The following UPF2 variants were observed in gnomAD, a reference collection of about 807,000 sequenced individuals.
The protein encoded by UPF2 is regulator of nonsense transcripts 2.
In UPF2, 17 loss-of-function variants were observed where a neutral mutation model predicts 141.4. That is an observed-to-expected ratio of 0.12 (90% confidence interval 0.08 to 0.18). The LOEUF (loss-of-function observed/expected upper bound fraction) is 0.18. Among genes scored for constraint, UPF2 ranks in the 10% least tolerant of loss-of-function variants. UPF2 has a pLI of 1.00. For missense variants in UPF2, 1,152 were observed against 1,515.9 expected, an observed-to-expected ratio of 0.76 and a Z score of 3.99; for synonymous variants, 540 against 498.0, an observed-to-expected ratio of 1.08 and a Z score of -1.12.
At chr10:12,001,930 G>C in intron 5 of UPF2, 105 bp from the exon 6 acceptor site, 1 of 1,043,926 alleles carries the variant, frequency 9.6e-7, no homozygotes, top group East Asian at 2.8e-5. Context: ...TTTAGAAGCT[G>C]CATGTATACC....
At chr10:12,036,326 C>A (rs1834624787) in intron 1 of UPF2, among the ~76,000 whole-genome samples, 1 of 152,158 alleles carries the variant, frequency 6.6e-6, no homozygotes, top group East Asian at 1.9e-4. Flanking sequence ...CCAGACATTG[C>A]TAAATATCCG....
intron 9 of UPF2, among the ~76,000 whole-genome samples, chr10:11,972,370 T>C (rs996357437): frequency 2.0e-5 from 3 of 152,230 alleles, no homozygotes; most frequent in African/African-American, 4.8e-5. Flanking sequence ...TGCCTTGACA[T>C]AGAAAACTCT....
intron 9 of UPF2, among the ~76,000 whole-genome samples, chr10:11,974,404 C>G (rs1220650686): frequency 2.6e-5 from 4 of 152,186 alleles, no homozygotes; most frequent in Non-Finnish European, 5.9e-5. Context: ...GCCAGAACTT[C>G]CAACACTATG....
intron 14 of UPF2, among the ~76,000 whole-genome samples, chr10:11,952,469 C>CTTTTTTTTTTTTTT (rs869201076): frequency 1.0e-5 from 1 of 97,740 alleles, no homozygotes. Flanking sequence ...TACTAAATAT[C>CTTTTTTTTTTTTTT]TTTTTTTTTT....
At chr10:11,930,601 A>T (rs556945947) in intron 20 of UPF2, among the ~76,000 whole-genome samples, 1 of 152,206 alleles carries the variant, frequency 6.6e-6, no homozygotes, top group African/African-American at 2.4e-5. Flanking sequence ...ACATAGCAAG[A>T]TCCCCTCTCT....
At chr10:12,017,131 C>T (rs1564367937) in intron 3 of UPF2, among the ~76,000 whole-genome samples, 1 of 151,574 alleles carries the variant, frequency 6.6e-6, no homozygotes, top group Non-Finnish European at 1.5e-5. Flanking sequence ...GAACAAAAAC[C>T]GAAGAGTTTA....
rs535971859 is a variant in UPF2 at position 12,042,484 on chromosome 10, G to A, written c.-19+271C>T. Among the ~76,000 whole-genome samples the A allele has an allele frequency of 1.2e-4, 18 of 152,190 alleles. No individual in the cohort carries two copies. The East Asian group carries it at 2.9e-3, about 25-fold the overall frequency. ...CTCCCCGCCTCCAGTCTCGAGGCCCGGCCCAGGCATGTGGGGCAGGCACCT... is the reference window on the plus strand; with the variant it reads ...CTCCCCGCCTCCAGTCTCGAGGCCCAGCCCAGGCATGTGGGGCAGGCACCT... On this transcript the variant is annotated intron_variant, in intron 1 of 21. Transcript: ENST00000357604. This position sits in a 1 kb window ranked among gnomAD's most constrained non-coding sequence, Gnocchi z 5.5.
rs780986309 is a variant in UPF2, at chr10:11,942,744, C to T, written c.3299G>A (p.Gly1100Asp). The change falls in exon 18 of 22, where the codon GGT (glycine) becomes GAT (aspartate). Residue 1100 changes from glycine to aspartate, a missense_variant. Physicochemically the swap from Gly to Asp is moderately conservative, Grantham distance 94. Around this residue, in one of 4 missense-constraint regions of UPF2, gnomAD observed 202 missense variants for 223.6 expected, o/e 0.90. Transcript: ENST00000357604. Reference sequence around the variant, plus strand: ...TACACAAGGTACATGCTTAAGTCCACCGCCTTTAATCATTACCTCCTTATT... The same window carrying T: ...TACACAAGGTACATGCTTAAGTCCATCGCCTTTAATCATTACCTCCTTATT... ...EENTEVMIKG[G>D]GLKHVPCVED... The T allele has an allele frequency of 3.1e-6, 5 of 1,613,808 alleles. No homozygotes were observed. The highest frequency in any genetic ancestry group is 4.2e-6 in the Non-Finnish European group (5 of 1,179,878).
At chr10:11,993,754 G>C (rs543677798) in intron 8 of UPF2, among the ~76,000 whole-genome samples, 1 of 152,126 alleles carries the variant, frequency 6.6e-6, no homozygotes, top group Admixed American at 6.5e-5. Context: ...AGGAGGAGCT[G>C]CTTGAGCCCA....
intron 9 of UPF2, among the ~76,000 whole-genome samples, chr10:11,977,908 C>CCCT (rs1300491134): frequency 6.6e-6 from 1 of 152,188 alleles, no homozygotes; most frequent in Non-Finnish European, 1.5e-5. Flanking sequence ...TTACGTACTA[C>CCCT]TACCTATGAA....
At chr10:11,963,605 T>C (rs1833273988) in intron 11 of UPF2, among the ~76,000 whole-genome samples, 1 of 152,218 alleles carries the variant, frequency 6.6e-6, no homozygotes, top group Non-Finnish European at 1.5e-5. Context: ...CTGGCCTTAA[T>C]TTTAAAATTT....
chr10:11,929,792 C>G, intron 21 of UPF2, 73 bp downstream of exon 21: 1 of 1,546,344 alleles, frequency 6.5e-7, no homozygotes, highest in Non-Finnish European at 8.7e-7. Context: ...AAACTATAAT[C>G]CAGAATTCCC....
chr10:12,008,897 T>C (rs1834082873), intron 4 of UPF2, among the ~76,000 whole-genome samples: 3 of 152,080 alleles, frequency 2.0e-5, no homozygotes, highest in Admixed American at 6.5e-5. Flanking sequence ...CCTGTGTCCA[T>C]GTGTTCTCAC....
intron 14 of UPF2, among the ~76,000 whole-genome samples, chr10:11,954,156 C>T (rs1298503473): frequency 2.0e-5 from 3 of 152,116 alleles, no homozygotes; most frequent in South Asian, 2.1e-4. Flanking sequence ...GGTTGTAGTA[C>T]TGTCCCTGTA....
At chr10:11,957,050 C>T (rs1340262729) in intron 12 of UPF2, among the ~76,000 whole-genome samples, 1 of 152,172 alleles carries the variant, frequency 6.6e-6, no homozygotes, top group African/African-American at 2.4e-5. Flanking sequence ...CCAACGCCGA[C>T]GTCAAGTAAT....
rs1834324341 is a variant in UPF2, at chr10:12,021,900, C to T, written c.1145+6845G>A. On this transcript the variant is annotated intron_variant, in intron 3 of 21. Transcript: ENST00000357604. Reference sequence around the variant, plus strand: ...GTGGCTCACGTCTGTAATCTCAGCACTTTGGGAGGGCAAGGCGGGCGGATC... The same window carrying T: ...GTGGCTCACGTCTGTAATCTCAGCATTTTGGGAGGGCAAGGCGGGCGGATC... 3.9e-5 allele frequency among the ~76,000 whole-genome samples: 6 copies of T among 152,116 alleles called. No homozygotes were observed. The South Asian group carries it at 1.2e-3, about 32-fold the overall frequency.
Position 11,935,086 on chromosome 10 carries a change from C to G in UPF2, c.3546+1459G>C, listed in dbSNP as rs1832833117. ...AAATTTAGGCATCATCTGTTTGAGG[C>G]TGTGCTAGTGGGGAGGACATCTCAG... On this transcript the variant is annotated intron_variant, in intron 19 of 21. Transcript: ENST00000357604. The surrounding 1 kb of genome is among the most constrained non-coding windows in gnomAD (Gnocchi z 4.9). Among the ~76,000 whole-genome samples, 1 of 152,122 alleles carries G rather than the reference C, an allele frequency of 6.6e-6. No individual in the cohort carries two copies. The highest frequency in any genetic ancestry group is 1.5e-5 in the Non-Finnish European group (1 of 68,008).
At chr10:11,982,201 C>T (rs1833608933) in intron 8 of UPF2, among the ~76,000 whole-genome samples, 1 of 152,190 alleles carries the variant, frequency 6.6e-6, no homozygotes, top group South Asian at 2.1e-4. Flanking sequence ...GATCAATTAT[C>T]AAATTCAAAT....
At chr10:11,961,078 A>T (rs1351545882) in intron 11 of UPF2, among the ~76,000 whole-genome samples, 2 of 148,014 alleles carry the variant, frequency 1.4e-5, no homozygotes, top group Non-Finnish European at 3.0e-5. Context: ...CAACAGCGGG[A>T]GACCCTGTCT....
Sources: gnomAD v4.1 joint callset for allele counts (sites outside exome capture counted in the v4.1 genomes callset) on GRCh38, gnomAD v4.1.1 for gene constraint, gnomAD v4.1.1 regional missense constraint, Gnocchi (gnomAD v3.1) non-coding constraint, MANE v1.5 for transcripts, NCBI Gene and HGNC (gene_info 2026-07-23, HGNC 2026-07-21) for gene names.